ATP11B: variants seen among roughly 807,000 people sequenced by gnomAD.
ATP11B encodes ATPase phospholipid transporting 11B (putative).
ATP11B carries 81 observed loss-of-function variants against 157.8 expected under a neutral mutation model. The observed-to-expected ratio is 0.51, with a 90% confidence interval of 0.43 to 0.62. The LOEUF (loss-of-function observed/expected upper bound fraction) is 0.62, where lower values mean the gene tolerates loss of function less well. Ranked by LOEUF, ATP11B falls within the 20% of genes least tolerant of loss-of-function variation. ATP11B has a pLI of 0.00. For synonymous variants in ATP11B, 451 were observed against 469.4 expected, an observed-to-expected ratio of 0.96 and a Z score of 0.51; for missense variants, 1,165 against 1,402.2, an observed-to-expected ratio of 0.83 and a Z score of 2.70.
At chr3:182,917,266 A>G in intron 29 of ATP11B, 1 of 985,356 alleles carries the variant, frequency 1.0e-6, no homozygotes, top group Non-Finnish European at 1.2e-6. Flanking sequence ...GCAGTCTTTC[A>G]CTTGGTAATC....
At chr3:182,911,270 T>TCCC (rs1724764078) in intron 28 of ATP11B, among the ~76,000 whole-genome samples, 1 of 55,698 alleles carries the variant, frequency 1.8e-5, no homozygotes, top group Non-Finnish European at 2.7e-5. Flanking sequence ...GCTATTGAAA[T>TCCC]GCCCCCCCCC....
At chr3:182,855,427 C>T (rs1231281789) in intron 10 of ATP11B, among the ~76,000 whole-genome samples, 2 of 152,092 alleles carry the variant, frequency 1.3e-5, no homozygotes, top group African/African-American at 4.8e-5. Flanking sequence ...GTAAAACAAA[C>T]TTTTAGAAGA....
intron 1 of ATP11B, among the ~76,000 whole-genome samples, chr3:182,815,796 G>A (rs969940418): frequency 1.3e-5 from 2 of 152,136 alleles, no homozygotes; most frequent in African/African-American, 4.8e-5. Context: ...CATAACTATA[G>A]TTTTAGTCTC....
At chr3:182,882,507 G>GAA (rs745824796) in intron 21 of ATP11B, among the ~76,000 whole-genome samples, 108 of 144,480 alleles carry the variant, frequency 7.5e-4, no homozygotes, top group Non-Finnish European at 1.3e-3. Context: ...TTAGTGATTT[G>GAA]AAAAAAAAAA....
chr3:182,832,377 A>G (rs58178435), intron 4 of ATP11B, among the ~76,000 whole-genome samples: 2,006 of 152,280 alleles, frequency 0.013, 42 homozygotes, highest in African/African-American at 0.047. Flanking sequence ...TCCTTAACTC[A>G]AAACAAAATT....
intron 24 of ATP11B, among the ~76,000 whole-genome samples, chr3:182,888,331 T>A (rs1722937137): frequency 6.6e-6 from 1 of 152,204 alleles, no homozygotes; most frequent in Non-Finnish European, 1.5e-5. Context: ...GACCTAAGAT[T>A]GGCATAGATT....
chr3:182,801,548 A>G (rs1189676694), intron 1 of ATP11B, among the ~76,000 whole-genome samples: 5 of 152,200 alleles, frequency 3.3e-5, no homozygotes, highest in African/African-American at 1.2e-4. Context: ...AAATGGTATA[A>G]TTTATCCTTT....
At chr3:182,837,973 G>T (rs372618626) in intron 7 of ATP11B, among the ~76,000 whole-genome samples, 3 of 152,028 alleles carry the variant, frequency 2.0e-5, no homozygotes, top group African/African-American at 7.2e-5. Context: ...ATAAGTGGTG[G>T]TAGACTATAA....
chr3:182,835,760 A>C (rs1718499609), intron 4 of ATP11B, among the ~76,000 whole-genome samples: 3 of 152,166 alleles, frequency 2.0e-5, no homozygotes, highest in African/African-American at 7.2e-5. Flanking sequence ...TGAGAAAAGG[A>C]TCCATAAAGG....
In ATP11B at chr3:182,828,197, A is replaced by G; in HGVS notation, c.222A>G (p.Ile74Met). 1 of 1,479,888 alleles carries G rather than the reference A, an allele frequency of 6.8e-7. No homozygotes were observed. Among genetic ancestry groups the G allele is most frequent in the Non-Finnish European group, 9.2e-7 (1 of 1,092,472 alleles). 91.7% of individuals were successfully genotyped at this position (1,479,888 alleles called of 1,614,324 possible). ...TGGCAAACTTTTATTTTCTTATTAT[A>G]TTTTTGGTTCAGGTAAGCTTTATTA... ...RRVANFYFLIIFLVQLMIDTP... is the reference protein window; with the variant it reads ...RRVANFYFLIMFLVQLMIDTP... The change falls in exon 3 of 30, where the codon ATA becomes ATG. Residue 74 changes from isoleucine (I) to methionine (M), a missense_variant. This residue lies in a region of ATP11B where 91 missense variants were observed against 95.8 expected (regional missense o/e 0.95). Transcript: ENST00000323116.
At chr3:182,915,146 A>C in intron 29 of ATP11B, 1 of 985,404 alleles carries the variant, frequency 1.0e-6, no homozygotes, top group South Asian at 4.7e-5. Context: ...CTGTTATAAA[A>C]TTCAGGTAAC....
chr3:182,803,069 T>A (rs900802943), intron 1 of ATP11B, among the ~76,000 whole-genome samples: 2 of 152,212 alleles, frequency 1.3e-5, no homozygotes, highest in African/African-American at 4.8e-5. Flanking sequence ...TTACAATGAC[T>A]ATTATTGTTT....
chr3:182,817,374 G>A (rs1316523204), intron 1 of ATP11B, among the ~76,000 whole-genome samples: 2 of 151,098 alleles, frequency 1.3e-5, no homozygotes, highest in East Asian at 2.0e-4. Flanking sequence ...TCCACCTCCC[G>A]GGTTCAAGCA....
intron 15 of ATP11B, among the ~76,000 whole-genome samples, 183 bp downstream of exon 15, chr3:182,867,627 A>G (rs560809836): frequency 1.8e-4 from 22 of 122,272 alleles, no homozygotes; most frequent in African/African-American, 6.8e-4. Flanking sequence ...TCTGTCACCC[A>G]GGCTGGAGTG....
intron 7 of ATP11B, among the ~76,000 whole-genome samples, chr3:182,841,507 A>G (rs1719019249): frequency 1.3e-5 from 2 of 152,220 alleles, no homozygotes; most frequent in Admixed American, 6.5e-5. Context: ...ATCCAAAATG[A>G]TCCAGATTCT....
In ATP11B at chr3:182,848,452, A is replaced by G. The variant is rs1171073929; in HGVS notation, c.770-24A>G. 3.7e-6 allele frequency: 5 copies of G among 1,352,540 alleles called. No individual in the cohort carries two copies. The African/African-American group carries it at 7.4e-5, about 20-fold the overall frequency. 83.8% of individuals were successfully genotyped at this position (1,352,540 alleles called of 1,614,324 possible). ...AAACATGCTAGAGGATTATTTTAAG[A>G]GACAATTTTGTTTTATTTTACAGGT... On this transcript the variant is annotated intron_variant, in intron 9 of 29. Coordinates refer to ENST00000323116, the MANE Select transcript of ATP11B (RefSeq NM_014616.3).
chr3:182,856,102 T>C lies in ATP11B; in HGVS notation c.852-1776T>C, dbSNP rs368181415. Among the ~76,000 whole-genome samples the C allele has an allele frequency of 2.9e-4, 44 of 152,316 alleles. No individual in the cohort carries two copies. The East Asian group carries it at 7.5e-3, about 26-fold the overall frequency. ...CAGAAATGTACATAGCCACTTTATT[T>C]GTTACAGCAAAAAACTGGAAACAGC... is the stretch of plus-strand genomic sequence containing the variant. On this transcript the variant is annotated intron_variant, in intron 10 of 29. Transcript: ENST00000323116.
At chr3:182,810,580 T>C (rs1716602728) in intron 1 of ATP11B, among the ~76,000 whole-genome samples, 1 of 152,198 alleles carries the variant, frequency 6.6e-6, no homozygotes, top group African/African-American at 2.4e-5. Context: ...CCTACTTTTT[T>C]CTACCTTTGT....
In ATP11B at chr3:182,885,509, T is replaced by A. The variant is rs574480630; in HGVS notation, c.2656-442T>A. On this transcript the variant is annotated intron_variant, in intron 22 of 29. Coordinates refer to ENST00000323116, the MANE Select transcript of ATP11B (RefSeq NM_014616.3). ...TGATGGCAGTTTTTTTCTAACTTAT[T>A]TTTCTAGCTTTTACTTGTAATATGA... Among the ~76,000 whole-genome samples the A allele has an allele frequency of 2.0e-5, 3 of 152,274 alleles. No homozygotes were observed. The East Asian group carries it at 5.8e-4, about 29-fold the overall frequency.
Sources: allele counts gnomAD v4.1 joint callset (sites outside exome capture counted in the v4.1 genomes callset), GRCh38; gene constraint gnomAD v4.1.1; regional missense constraint gnomAD v4.1.1; transcripts MANE v1.5; gene names NCBI Gene and HGNC (gene_info 2026-07-23, HGNC 2026-07-21).